TNPO3: variants seen among roughly 807,000 people sequenced by gnomAD.
TNPO3 encodes the protein transportin 3, also known as transportin-3.
A neutral mutation model predicts 122.8 loss-of-function variants in TNPO3; 65 were observed. The observed-to-expected ratio is 0.53, with a 90% CI of 0.43 to 0.65. The LOEUF is 0.65. Among genes scored for constraint, TNPO3 ranks in the 30% least tolerant of loss-of-function variants. The pLI is 0.00. For missense variants in TNPO3, 850 were observed against 1,136.7 expected (o/e 0.75, Z 3.63); for synonymous variants, 372 against 411.2 (o/e 0.90, Z 1.15).
chr7:129,012,978 T>C (rs2150417053), intron 4 of TNPO3, among the ~76,000 whole-genome samples: 1 of 152,308 alleles, frequency 6.6e-6, no homozygotes. Flanking sequence ...AAATGTCAAC[T>C]AACTGAAAGG....
At chr7:129,005,253 G>T in intron 4 of TNPO3, 94 bp from the exon 5 acceptor site, 2 of 1,216,082 alleles carry the variant, frequency 1.6e-6, no homozygotes, top group South Asian at 1.7e-5. Flanking sequence ...TGAGAAAGAT[G>T]GCAATAAAAC....
At chr7:128,961,320 T>C (rs1402044071) in intron 21 of TNPO3, among the ~76,000 whole-genome samples, 3 of 152,162 alleles carry the variant, frequency 2.0e-5, no homozygotes, top group South Asian at 4.1e-4. Flanking sequence ...TTAGATATGT[T>C]TGGATATACA....
At chr7:129,017,823 C>A (rs759630846) in intron 2 of TNPO3, 134 bp downstream of exon 2, 4 of 873,000 alleles carry the variant, frequency 4.6e-6, no homozygotes, top group Non-Finnish European at 7.0e-6. Flanking sequence ...GTTTTCTATC[C>A]ACTTACAAGA....
intron 9 of TNPO3, 110 bp downstream of exon 9, chr7:128,993,697 C>G: frequency 1.1e-6 from 1 of 902,848 alleles, no homozygotes; most frequent in Non-Finnish European, 1.7e-6. Context: ...TCTATTATCT[C>G]ATTCAGCCAC....
intron 4 of TNPO3, among the ~76,000 whole-genome samples, chr7:129,013,731 G>A (rs73463067): frequency 0.024 from 3,633 of 152,184 alleles, 74 homozygotes; most frequent in East Asian, 0.065. Context: ...ACCTATCAAC[G>A]GCTGAATGGA....
At chr7:128,977,427 C>A (rs542291607) in intron 16 of TNPO3, among the ~76,000 whole-genome samples, 1 of 152,286 alleles carries the variant, frequency 6.6e-6, no homozygotes, top group East Asian at 1.9e-4. Context: ...AGAGAAATCA[C>A]TAAAAATTAA....
At chr7:129,000,596 G>A (rs1318316495) in intron 6 of TNPO3, 29 bp from the exon 7 acceptor site, 1 of 1,602,116 alleles carries the variant, frequency 6.2e-7, no homozygotes, top group Non-Finnish European at 8.5e-7. Flanking sequence ...TGAGAACAAT[G>A]AGTCAGAAAT....
chr7:128,979,335 G>A (rs1226221010), intron 15 of TNPO3, among the ~76,000 whole-genome samples: 1 of 152,152 alleles, frequency 6.6e-6, no homozygotes, highest in African/African-American at 2.4e-5. Flanking sequence ...CTTTAGAACT[G>A]GAAGAGCATG....
At chr7:129,016,515 T>C (rs554710565) in intron 3 of TNPO3, among the ~76,000 whole-genome samples, 1 of 152,338 alleles carries the variant, frequency 6.6e-6, no homozygotes, top group East Asian at 1.9e-4. Flanking sequence ...CAAGCAAATA[T>C]CAAGGTTATC....
At chr7:129,041,917 A>G in intron 1 of TNPO3, among the ~76,000 whole-genome samples, 1 of 152,164 alleles carries the variant, frequency 6.6e-6, no homozygotes, top group East Asian at 1.9e-4. Flanking sequence ...GCAGATCCTA[A>G]AGTACTTGCT....
intron 10 of TNPO3, among the ~76,000 whole-genome samples, chr7:128,991,152 T>G (rs866481755): frequency 3.3e-5 from 5 of 152,180 alleles, no homozygotes; most frequent in Admixed American, 1.3e-4. Flanking sequence ...AAAATTGGTT[T>G]AAGAGTAAAT....
intron 1 of TNPO3, among the ~76,000 whole-genome samples, chr7:129,020,841 TGTC>T (rs1168448185): frequency 3.3e-5 from 5 of 152,192 alleles, no homozygotes; most frequent in African/African-American, 1.2e-4. Flanking sequence ...AACTAGGTGT[TGTC>T]TAGTTATCTC....
At chr7:128,975,730 A>G in intron 17 of TNPO3, 89 bp downstream of exon 17, 2 of 801,514 alleles carry the variant, frequency 2.5e-6, no homozygotes, top group South Asian at 3.3e-5. Flanking sequence ...ATAAAGAAGC[A>G]ACAGAATTAA....
intron 19 of TNPO3, 79 bp downstream of exon 19, chr7:128,972,347 G>T: frequency 6.8e-7 from 1 of 1,466,814 alleles, no homozygotes; most frequent in Non-Finnish European, 9.2e-7. Flanking sequence ...ATACTGGGAT[G>T]CTGGTTTTCT....
intron 1 of TNPO3, among the ~76,000 whole-genome samples, chr7:129,039,163 C>T (rs774174830): frequency 6.6e-6 from 1 of 152,144 alleles, no homozygotes; most frequent in Non-Finnish European, 1.5e-5. Flanking sequence ...ACAACAAGTA[C>T]TAGTGAATAT....
intron 4 of TNPO3, among the ~76,000 whole-genome samples, chr7:129,012,185 T>G (rs1236820572): frequency 6.6e-6 from 1 of 151,832 alleles, no homozygotes; most frequent in African/African-American, 2.4e-5. Context: ...TTTGTATTTT[T>G]AGTACAGACA....
intron 1 of TNPO3, among the ~76,000 whole-genome samples, chr7:129,034,820 G>A (rs112495112): frequency 1.3e-4 from 19 of 148,350 alleles, no homozygotes; most frequent in African/African-American, 4.2e-4. Flanking sequence ...GCGTGAACCC[G>A]GGAGGCAGAG....
chr7:128,992,883 TTAAG>T (rs554075646), intron 9 of TNPO3, among the ~76,000 whole-genome samples: 21 of 152,208 alleles, frequency 1.4e-4, no homozygotes, highest in Non-Finnish European at 1.6e-4. Flanking sequence ...AATTTGTAAA[TTAAG>T]TCAAAGGATT....
At chr7:129,027,942 A>G (rs6963638) in intron 1 of TNPO3, among the ~76,000 whole-genome samples, 51 of 152,352 alleles carry the variant, frequency 3.3e-4, no homozygotes, top group Admixed American at 7.8e-4. Context: ...AGGCCACAAA[A>G]TAAGTCTTAA....
Sources: allele counts gnomAD v4.1 joint callset (sites outside exome capture counted in the v4.1 genomes callset), GRCh38; gene constraint gnomAD v4.1.1; transcripts MANE v1.5; gene names NCBI Gene and HGNC (gene_info 2026-07-23, HGNC 2026-07-21).